NME9: variants seen among roughly 807,000 people sequenced by gnomAD.
NME9 encodes thioredoxin domain-containing protein 6.
NME9 carries 48 observed loss-of-function variants against 44.4 expected under a neutral mutation model. The observed-to-expected ratio is 1.08, with a 90% CI of 0.86 to 1.37. NME9 has a LOEUF of 1.37. Ranked by LOEUF, NME9 falls within the 40% of genes most tolerant of loss-of-function variation. The pLI is 0.00. For missense variants in NME9, 325 were observed against 405.2 expected (o/e 0.80, Z 1.70); for synonymous variants, 139 against 147.1 (o/e 0.94, Z 0.40).
intron 6 of NME9, among the ~76,000 whole-genome samples, chr3:138,312,293 A>G (rs1195279961): frequency 6.6e-6 from 1 of 152,212 alleles, no homozygotes; most frequent in Non-Finnish European, 1.5e-5. Flanking sequence ...GGAACCACAA[A>G]AGACCCCAAA....
intron 8 of NME9, among the ~76,000 whole-genome samples, chr3:138,270,599 A>G (rs1027580355): frequency 1.3e-5 from 2 of 152,208 alleles, no homozygotes; most frequent in Non-Finnish European, 2.9e-5. Flanking sequence ...TTTATAAAGT[A>G]CAACATGATG....
intron 8 of NME9, among the ~76,000 whole-genome samples, chr3:138,289,973 A>G (rs2050784273): frequency 6.6e-6 from 1 of 152,198 alleles, no homozygotes; most frequent in Non-Finnish European, 1.5e-5. Context: ...TTCCGCCCAC[A>G]GACCTAGATA....
intron 1 of NME9, among the ~76,000 whole-genome samples, chr3:138,326,206 G>A (rs931862171): frequency 1.3e-4 from 20 of 152,172 alleles, no homozygotes; most frequent in Admixed American, 3.3e-4. Flanking sequence ...GGCTGGACTG[G>A]TTGGAGTGTT....
At chr3:138,297,396 A>G (rs1393223901), downstream of NME9, 1 of 152,170 alleles carries the variant, frequency 6.6e-6, no homozygotes, top group Non-Finnish European at 1.5e-5. Context: ...AAGAAGGTCA[A>G]AGGCTTCGCA....
At chr3:138,296,931 G>C (rs974354797), downstream of NME9, 5 of 152,170 alleles carry the variant, frequency 3.3e-5, no homozygotes, top group Admixed American at 3.3e-4. Flanking sequence ...CAAACTAAAA[G>C]TAGGTCATCA....
chr3:138,272,659 G>A (rs189760781), intron 8 of NME9, among the ~76,000 whole-genome samples: 2 of 152,288 alleles, frequency 1.3e-5, no homozygotes, highest in Admixed American at 1.3e-4. Context: ...AGTGGATCAC[G>A]AGGTCAGGAG....
At chr3:138,310,204 C>T (rs1560106472) in intron 6 of NME9, among the ~76,000 whole-genome samples, 1 of 151,870 alleles carries the variant, frequency 6.6e-6, no homozygotes, top group Non-Finnish European at 1.5e-5. Context: ...GGAGTCAGTT[C>T]ATCAAGAGTA....
At position 138,329,602 on chromosome 3, in the gene NME9, T is replaced by G. The variant is rs2053999846; in HGVS notation, c.-267A>C. On this transcript the variant is annotated 5_prime_UTR_variant, in exon 1 of 11. Coordinates refer to ENST00000333911, the MANE Select transcript of NME9 (RefSeq NM_001349018.2). ...TTTTCTGGGGATCTGCGAAGCCCCCTCCCCACCCCGGAGCCGGCCAGGGGG... is the reference window on the plus strand; with the variant it reads ...TTTTCTGGGGATCTGCGAAGCCCCCGCCCCACCCCGGAGCCGGCCAGGGGG... 1 of 1,298,520 alleles carries G rather than the reference T, an allele frequency of 7.7e-7. No individual in the cohort carries two copies. The highest frequency in any genetic ancestry group is 9.8e-7 in the Non-Finnish European group (1 of 1,024,492). 80.4% of individuals were successfully genotyped at this position (1,298,520 alleles called of 1,614,324 possible).
intron 8 of NME9, among the ~76,000 whole-genome samples, chr3:138,291,275 C>A (rs1419362408): frequency 6.6e-6 from 1 of 152,216 alleles, no homozygotes; most frequent in Admixed American, 6.5e-5. Context: ...GCCCTTCAGC[C>A]CTTAATGGTC....
exon 9 of NME9, chr3:138,261,963 T>A (rs1317618837): frequency 6.6e-6 from 1 of 152,270 alleles, no homozygotes. Flanking sequence ...GTAGCTACCA[T>A]AAGGAACATG....
chr3:138,293,196 C>T (rs2108397748), intron 8 of NME9, among the ~76,000 whole-genome samples: 1 of 152,306 alleles, frequency 6.6e-6, no homozygotes, highest in South Asian at 2.1e-4. Context: ...GTGAAGCACA[C>T]AGGACAGGCT....
intron 9 of NME9, 113 bp downstream of exon 9, chr3:138,304,760 C>T: frequency 9.8e-7 from 1 of 1,016,426 alleles, no homozygotes; most frequent in Non-Finnish European, 1.5e-6. Context: ...AGAGCCTGGC[C>T]ATCAGAGAGT....
intron 8 of NME9, among the ~76,000 whole-genome samples, chr3:138,268,047 A>AG (rs2048439788): frequency 6.6e-6 from 1 of 152,160 alleles, no homozygotes. Flanking sequence ...GTTTGAGACC[A>AG]GCCTGGCCAA....
chr3:138,263,904 C>G, intron 8 of NME9: 1 of 1,249,190 alleles, frequency 8.0e-7, no homozygotes, highest in Non-Finnish European at 1.2e-6. Flanking sequence ...TGAGTAAACA[C>G]AGACTACAAA....
At chr3:138,324,268 C>A in intron 2 of NME9, 1 of 332,664 alleles carries the variant, frequency 3.0e-6, no homozygotes, top group Non-Finnish European at 6.0e-6. Context: ...CCTCGTTGAG[C>A]CTTGAGATCC....
intron 8 of NME9, chr3:138,295,741 C>G (rs2051427629): frequency 8.6e-7 from 1 of 1,162,720 alleles, no homozygotes. Flanking sequence ...GGGCTCACCC[C>G]AATTCCCTCT....
intron 8 of NME9, among the ~76,000 whole-genome samples, chr3:138,268,842 AT>A (rs1158284296): frequency 6.6e-6 from 1 of 151,928 alleles, no homozygotes. Context: ...CTATAAGAGC[AT>A]TTTTTTTGTG....
chr3:138,319,321 A>C (rs1269094551), intron 3 of NME9, among the ~76,000 whole-genome samples, 157 bp downstream of exon 3: 1 of 152,190 alleles, frequency 6.6e-6, no homozygotes, highest in Non-Finnish European at 1.5e-5. Context: ...AACTAGAGAA[A>C]TTAGAAAGTA....
chr3:138,322,864 T>G (rs2053560349), intron 2 of NME9, among the ~76,000 whole-genome samples: 1 of 152,118 alleles, frequency 6.6e-6, no homozygotes, highest in Non-Finnish European at 1.5e-5. Context: ...TGATACATTC[T>G]CAAAAAATTA....
Sources: allele counts gnomAD v4.1 joint callset (sites outside exome capture counted in the v4.1 genomes callset), GRCh38; gene constraint gnomAD v4.1.1; transcripts MANE v1.5; gene names NCBI Gene and HGNC (gene_info 2026-07-23, HGNC 2026-07-21).